The following BTBD1 variants were observed in gnomAD, a reference collection of about 807,000 sequenced individuals.
BTBD1 encodes BTB domain containing 1.
A neutral mutation model predicts 48.0 loss-of-function variants in BTBD1; 34 were observed. The observed-to-expected ratio is 0.71, with a 90% CI of 0.54 to 0.94. BTBD1 has a LOEUF of 0.94. BTBD1 is among the 40% of genes least tolerant of loss of function. BTBD1 has a pLI of 0.00. For synonymous variants in BTBD1, 261 were observed against 242.1 expected, an observed-to-expected ratio of 1.08 and a Z score of -0.72; for missense variants, 543 against 625.6, an observed-to-expected ratio of 0.87 and a Z score of 1.41.
intron 6 of BTBD1, among the ~76,000 whole-genome samples, chr15:83,019,667 C>T (rs1463171749): frequency 1.3e-5 from 2 of 148,500 alleles, no homozygotes; most frequent in Admixed American, 6.8e-5. Flanking sequence ...TGGCTCACTG[C>T]AACATCTGCC....
intron 5 of BTBD1, among the ~76,000 whole-genome samples, chr15:83,026,968 ACGTGTGTGTGTG>A (rs888636402): frequency 2.9e-5 from 4 of 137,360 alleles, no homozygotes; most frequent in Middle Eastern, 4.2e-3. Flanking sequence ...TAGGGGAAAT[ACGTGTGTGTGTG>A]TGTGTGTGTG....
chr15:83,056,454 C>A lies in BTBD1; in HGVS notation c.493G>T (p.Ala165Ser). Reference protein sequence around the residue: ...AKKYAVPALEAHCVEFLTKHL... With the variant: ...AKKYAVPALESHCVEFLTKHL... ...TTGGTGAGAAATTCTACACAGTGTG[C>A]TTCCAAGGCTGGGACTGCGTATTTC... is the stretch of plus-strand genomic sequence containing the variant. The change falls in exon 2 of 8, where the codon GCA (alanine) becomes TCA (serine). Residue 165 changes from alanine (A) to serine (S), a missense_variant. Around this residue, in one of 3 missense-constraint regions of BTBD1, gnomAD observed 70 missense variants for 111.7 expected, o/e 0.63. Transcript: ENST00000261721. The A allele has an allele frequency of 6.2e-7, 1 of 1,613,216 alleles. No homozygotes were observed. The highest frequency in any genetic ancestry group is 8.5e-7 in the Non-Finnish European group (1 of 1,179,260).
chr15:83,057,470 T>A (rs1450395666), intron 1 of BTBD1, among the ~76,000 whole-genome samples: 1 of 152,226 alleles, frequency 6.6e-6, no homozygotes, highest in Non-Finnish European at 1.5e-5. Flanking sequence ...TATTAGCTAT[T>A]TATCTGTATG....
At chr15:83,037,169 T>C (rs1009183988) in intron 4 of BTBD1, among the ~76,000 whole-genome samples, 3 of 151,948 alleles carry the variant, frequency 2.0e-5, no homozygotes, top group African/African-American at 7.3e-5. Context: ...CAATGTAAGA[T>C]AAACCAGTAA....
intron 5 of BTBD1, 63 bp downstream of exon 5, chr15:83,030,073 A>T (rs1485866750): frequency 2.1e-6 from 3 of 1,418,032 alleles, no homozygotes; most frequent in Non-Finnish European, 3.0e-6. Flanking sequence ...CATAATATAT[A>T]AAAAAGGCCA....
At chr15:83,051,964 ACT>A (rs927250240) in intron 2 of BTBD1, among the ~76,000 whole-genome samples, 11 of 148,312 alleles carry the variant, frequency 7.4e-5, no homozygotes, top group African/African-American at 2.5e-4. Context: ...ATGGCCTTTT[ACT>A]CTCTTTTTTA....
intron 1 of BTBD1, among the ~76,000 whole-genome samples, chr15:83,060,718 C>T (rs557312155): frequency 2.6e-4 from 39 of 152,242 alleles, no homozygotes; most frequent in South Asian, 1.5e-3. Flanking sequence ...TGCTTGAACC[C>T]AGCAAGCGGA....
intron 3 of BTBD1, among the ~76,000 whole-genome samples, chr15:83,046,045 C>T (rs1043287858): frequency 3.3e-5 from 5 of 152,060 alleles, no homozygotes; most frequent in Non-Finnish European, 7.4e-5. Context: ...TATAAGACAG[C>T]TATAAAAAGC....
At chr15:83,043,743 G>A (rs1407779165) in intron 3 of BTBD1, among the ~76,000 whole-genome samples, 1 of 152,164 alleles carries the variant, frequency 6.6e-6, no homozygotes, top group African/African-American at 2.4e-5. Flanking sequence ...TGCACTGGAG[G>A]GATGAGGGTG....
chr15:83,041,220 A>G (rs1033353539), intron 4 of BTBD1, among the ~76,000 whole-genome samples: 2 of 151,784 alleles, frequency 1.3e-5, no homozygotes, highest in South Asian at 2.1e-4. Flanking sequence ...AAGGCACTCA[A>G]CCTCTCCCAA....
intron 5 of BTBD1, among the ~76,000 whole-genome samples, chr15:83,027,792 G>A (rs2032438594): frequency 1.3e-5 from 2 of 152,200 alleles, no homozygotes; most frequent in Non-Finnish European, 2.9e-5. Context: ...GTAAGTGGCA[G>A]CAATGCTGCT....
intron 5 of BTBD1, chr15:83,029,731 G>A (rs917723785): frequency 1.2e-5 from 2 of 167,956 alleles, no homozygotes; most frequent in African/African-American, 4.8e-5. Context: ...AAGATTAGCT[G>A]GGCGTGGTGA....
chr15:83,021,742 A>AAATAATAATAATAATAATAATAAT (rs57670003), intron 5 of BTBD1, among the ~76,000 whole-genome samples: 2,179 of 145,374 alleles, frequency 0.015, 21 homozygotes, highest in Non-Finnish European at 0.02. Flanking sequence ...ACTCCTTCTC[A>AAATAATAATAATAATAATAATAAT]AATAATAATA....
intron 2 of BTBD1, among the ~76,000 whole-genome samples, chr15:83,052,466 A>G (rs2033005782): frequency 6.6e-6 from 1 of 152,108 alleles, no homozygotes; most frequent in Admixed American, 6.6e-5. Flanking sequence ...CATCAATACA[A>G]TATCTTTACC....
chr15:83,035,507 A>G lies in BTBD1; in HGVS notation c.863-5179T>C, dbSNP rs1273693056. ...TAATTTATGAGTCAAAGAAAAAAAAAGCAAAAATTAAAAATTCTTAATCGA... is the reference window on the plus strand; with the variant it reads ...TAATTTATGAGTCAAAGAAAAAAAAGGCAAAAATTAAAAATTCTTAATCGA... On this transcript the variant is annotated intron_variant, in intron 4 of 7. Coordinates refer to ENST00000261721, the MANE Select transcript of BTBD1 (RefSeq NM_025238.4). Among the ~76,000 whole-genome samples, 3 of 151,600 alleles carry G rather than the reference A, an allele frequency of 2.0e-5. No homozygotes were observed. The East Asian group carries it at 5.8e-4, about 29-fold the overall frequency.
At chr15:83,039,549 G>T (rs2032702249) in intron 4 of BTBD1, among the ~76,000 whole-genome samples, 1 of 151,990 alleles carries the variant, frequency 6.6e-6, no homozygotes. Flanking sequence ...GAGGCAGGTG[G>T]ATCACTTCAG....
chr15:83,022,069 G>A (rs975363065), intron 5 of BTBD1, among the ~76,000 whole-genome samples: 3 of 151,956 alleles, frequency 2.0e-5, no homozygotes, highest in African/African-American at 7.3e-5. Flanking sequence ...TTAAAGAGAT[G>A]GAGTCTTGCT....
intron 5 of BTBD1, among the ~76,000 whole-genome samples, chr15:83,026,969 C>T (rs1219489691): frequency 1.3e-5 from 2 of 150,162 alleles, no homozygotes; most frequent in African/African-American, 4.9e-5. Context: ...AGGGGAAATA[C>T]GTGTGTGTGT....
intron 1 of BTBD1, among the ~76,000 whole-genome samples, chr15:83,066,299 C>CA (rs199767474): frequency 0.023 from 3,422 of 151,664 alleles, 58 homozygotes; most frequent in Middle Eastern, 0.041. Flanking sequence ...GACCTTGTCT[C>CA]AAAAAAAGCG....
Sources: allele counts gnomAD v4.1 joint callset (sites outside exome capture counted in the v4.1 genomes callset), GRCh38; gene constraint gnomAD v4.1.1; regional missense constraint gnomAD v4.1.1; transcripts MANE v1.5; gene names NCBI Gene and HGNC (gene_info 2026-07-23, HGNC 2026-07-21).